The following RANBP17 variants were observed in gnomAD, a reference collection of about 807,000 sequenced individuals.
RANBP17 encodes the protein ran-binding protein 17.
Under a neutral mutation model 141.2 loss-of-function variants are expected in RANBP17, and 158 were observed. The observed-to-expected ratio is 1.12, with a 90% CI of 0.98 to 1.28. The LOEUF is 1.28. Among genes scored for constraint, RANBP17 ranks in the 50% most tolerant of loss-of-function variants. The pLI is 0.00. For synonymous variants in RANBP17, 430 were observed against 450.0 expected (o/e 0.96, Z 0.56); for missense variants, 1,438 against 1,290.7 (o/e 1.11, Z -1.75).
intron 14 of RANBP17, among the ~76,000 whole-genome samples, chr5:171,021,774 A>G (rs943678678): frequency 2.6e-5 from 4 of 152,142 alleles, no homozygotes; most frequent in African/African-American, 9.7e-5. Context: ...ACTTCTGTCA[A>G]TTCATCCATG....
Position 171,170,111 on chromosome 5 carries a change from A to G in RANBP17, c.1711-19A>G, listed in dbSNP as rs1447836207. On this transcript the variant is annotated intron_variant, in intron 14 of 27. Transcript: ENST00000523189. ...TATGTTAATAGTAAAACTTTTAACA[A>G]TGAAATGTTTTAATGCAGGTATATG... The G allele has an allele frequency of 7.2e-7, 1 of 1,387,396 alleles. No individual in the cohort carries two copies. Among genetic ancestry groups the G allele is most frequent in the Non-Finnish European group, 9.9e-7 (1 of 1,012,836 alleles). The allele number at this position is 1,387,396 out of a possible 1,614,324, so 85.9% of individuals were successfully genotyped here.
At chr5:170,987,792 G>A (rs916054574) in intron 14 of RANBP17, among the ~76,000 whole-genome samples, 35 of 151,724 alleles carry the variant, frequency 2.3e-4, no homozygotes, top group South Asian at 1.0e-3. Flanking sequence ...CACTAGACGA[G>A]GATGTTTGGG....
chr5:171,016,899 C>G (rs1429021287), intron 14 of RANBP17, among the ~76,000 whole-genome samples: 5 of 149,098 alleles, frequency 3.4e-5, no homozygotes, highest in Admixed American at 6.7e-5. Context: ...AGTTCCCTCC[C>G]CTTGCCCCCC....
intron 3 of RANBP17, among the ~76,000 whole-genome samples, chr5:170,890,766 T>G (rs543029809): frequency 8.5e-5 from 13 of 152,388 alleles, no homozygotes; most frequent in Admixed American, 3.3e-4. Context: ...GAATTTGCTA[T>G]CCACTTTTAA....
At chr5:171,147,917 T>G (rs1050203485) in intron 14 of RANBP17, among the ~76,000 whole-genome samples, 8 of 152,134 alleles carry the variant, frequency 5.3e-5, no homozygotes, top group South Asian at 2.1e-4. Flanking sequence ...GAACGGGCCA[T>G]GATGACAATG....
chr5:171,265,620 A>G (rs1766619700), intron 24 of RANBP17, 61 bp from the exon 25 acceptor site: 1 of 1,407,554 alleles, frequency 7.1e-7, no homozygotes, highest in Non-Finnish European at 9.6e-7. Flanking sequence ...GAGCCGTTAG[A>G]AAATCAAATG....
At chr5:171,201,458 G>A (rs998971233) in intron 19 of RANBP17, among the ~76,000 whole-genome samples, 4 of 152,228 alleles carry the variant, frequency 2.6e-5, no homozygotes, top group African/African-American at 7.2e-5. Context: ...CAGCTGCCAC[G>A]AACCAAGGCC....
chr5:171,271,870 T>C (rs539553004), intron 25 of RANBP17, among the ~76,000 whole-genome samples: 80 of 152,346 alleles, frequency 5.3e-4, no homozygotes, highest in African/African-American at 1.8e-3. Context: ...ATTATGCATA[T>C]ACATAGTGGG....
chr5:170,908,619 C>T (rs1050849227), intron 5 of RANBP17, among the ~76,000 whole-genome samples: 9 of 149,488 alleles, frequency 6.0e-5, no homozygotes, highest in African/African-American at 2.2e-4. Context: ...AGGCAACAAA[C>T]ACACACATGT....
chr5:170,985,028 CACAG>C (rs1482127747), intron 14 of RANBP17, among the ~76,000 whole-genome samples: 1 of 116,744 alleles, frequency 8.6e-6, no homozygotes, highest in Non-Finnish European at 1.9e-5. Flanking sequence ...CATATACACA[CACAG>C]ACACACAGGC....
intron 14 of RANBP17, among the ~76,000 whole-genome samples, chr5:171,056,906 T>C (rs1220171416): frequency 6.6e-6 from 1 of 152,184 alleles, no homozygotes; most frequent in African/African-American, 2.4e-5. Context: ...TCCTCCTTTT[T>C]CCTACAGTTT....
intron 5 of RANBP17, chr5:170,903,638 G>C (rs1770842742): frequency 3.9e-6 from 1 of 256,450 alleles, no homozygotes; most frequent in African/African-American, 2.3e-5. Context: ...CCTCATAATG[G>C]CATCTTGGCA....
chr5:171,057,129 C>T (rs1045786080), intron 14 of RANBP17, among the ~76,000 whole-genome samples: 4 of 152,100 alleles, frequency 2.6e-5, no homozygotes, highest in Non-Finnish European at 5.9e-5. Flanking sequence ...TGTGAAAGAG[C>T]AGATCCATGC....
At position 171,138,885 on chromosome 5, in the gene RANBP17, G is replaced by A. The variant is rs192220720; in HGVS notation, c.1711-31245G>A. Among the ~76,000 whole-genome samples the A allele has an allele frequency of 1.3e-4, 20 of 151,972 alleles. No individual in the cohort carries two copies. The East Asian group carries it at 1.4e-3, about 10-fold the overall frequency. On this transcript the variant is annotated intron_variant, in intron 14 of 27. Transcript: ENST00000523189. ...GAGGCCAGGAATTCAAGACTATCCCGGACAACATAATGAGTCGTCATCTCT... is the reference window on the plus strand; with the variant it reads ...GAGGCCAGGAATTCAAGACTATCCCAGACAACATAATGAGTCGTCATCTCT...
intron 11 of RANBP17, among the ~76,000 whole-genome samples, chr5:170,922,189 C>G (rs1439667563): frequency 2.0e-5 from 3 of 152,168 alleles, no homozygotes; most frequent in Non-Finnish European, 4.4e-5. Flanking sequence ...CTGCCTGATC[C>G]TTCCTCTGGA....
In RANBP17 at chr5:171,097,172, T is replaced by G. The variant is rs1786753543; in HGVS notation, c.1711-72958T>G. 3.3e-5 allele frequency among the ~76,000 whole-genome samples: 5 copies of G among 152,140 alleles called. No homozygotes were observed. In the South Asian group the frequency reaches 1.0e-3, roughly 31 times the overall value. ...ATTTGAGTCATGTTACCTCCATTTT[T>G]AGTGTCTCTCTTTAGCTTGTCCCTT... On this transcript the variant is annotated intron_variant, in intron 14 of 27. Coordinates refer to ENST00000523189, the MANE Select transcript of RANBP17 (RefSeq NM_022897.5).
At chr5:171,086,733 T>A (rs1222325616) in intron 14 of RANBP17, among the ~76,000 whole-genome samples, 2 of 149,114 alleles carry the variant, frequency 1.3e-5, no homozygotes, top group East Asian at 2.0e-4. Context: ...TCTTCTAGAT[T>A]TTCTAGTTTA....
chr5:171,058,928 T>C (rs1783603709), intron 14 of RANBP17, among the ~76,000 whole-genome samples: 1 of 152,108 alleles, frequency 6.6e-6, no homozygotes, highest in African/African-American at 2.4e-5. Context: ...ATGAGCATTT[T>C]TTCATGTGTC....
At chr5:170,903,196 C>T (rs572442288) in intron 5 of RANBP17, among the ~76,000 whole-genome samples, 5 of 152,306 alleles carry the variant, frequency 3.3e-5, no homozygotes, top group East Asian at 1.9e-4. Flanking sequence ...AAATGCCTTG[C>T]GCAGAGAAGA....
Sources: gnomAD v4.1 joint callset for allele counts (sites outside exome capture counted in the v4.1 genomes callset) on GRCh38, gnomAD v4.1.1 for gene constraint, MANE v1.5 for transcripts, NCBI Gene and HGNC (gene_info 2026-07-23, HGNC 2026-07-21) for gene names.